The following COL25A1 variants were observed in gnomAD, a reference collection of about 807,000 sequenced individuals.
The protein encoded by COL25A1 is collagen alpha-1(XXV) chain.
In COL25A1, 103 loss-of-function variants were observed where a neutral mutation model predicts 128.4. The observed-to-expected ratio is 0.80, with a 90% CI of 0.68 to 0.94. The LOEUF is 0.94. COL25A1 is among the 40% of genes least tolerant of loss of function. COL25A1 has a pLI of 0.00. For synonymous variants in COL25A1, 279 were observed against 277.2 expected (o/e 1.01, Z -0.06); for missense variants, 745 against 840.0 (o/e 0.89, Z 1.40).
intron 3 of COL25A1, among the ~76,000 whole-genome samples, chr4:109,143,396 T>G (rs188465648): frequency 1.3e-5 from 2 of 152,254 alleles, no homozygotes; most frequent in East Asian, 3.9e-4. Flanking sequence ...GGGTTGATCT[T>G]CTCGAGGAGT....
At chr4:108,920,343 A>C (rs1578769607) in intron 12 of COL25A1, among the ~76,000 whole-genome samples, 1 of 152,202 alleles carries the variant, frequency 6.6e-6, no homozygotes, top group Admixed American at 6.5e-5. Context: ...ATAATGTACA[A>C]GTTCAGCAGA....
intron 3 of COL25A1, among the ~76,000 whole-genome samples, chr4:109,079,016 G>T (rs1035320728): frequency 6.6e-6 from 1 of 152,222 alleles, no homozygotes; most frequent in African/African-American, 2.4e-5. Context: ...CAAGCCTACA[G>T]AGTCTTGTGG....
At chr4:109,011,775 G>C (rs1243430606) in intron 5 of COL25A1, among the ~76,000 whole-genome samples, 1 of 152,194 alleles carries the variant, frequency 6.6e-6, no homozygotes, top group African/African-American at 2.4e-5. Flanking sequence ...ATACAGACTT[G>C]TTCAGATCAA....
intron 3 of COL25A1, among the ~76,000 whole-genome samples, chr4:109,227,507 T>C (rs1197668919): frequency 6.6e-6 from 1 of 152,240 alleles, no homozygotes; most frequent in African/African-American, 2.4e-5. Flanking sequence ...GGTTATAGTC[T>C]ACAAATTTTG....
chr4:109,004,046 G>C (rs1194244226), intron 6 of COL25A1, among the ~76,000 whole-genome samples: 1 of 151,924 alleles, frequency 6.6e-6, no homozygotes, highest in Non-Finnish European at 1.5e-5. Context: ...CCACAGCTGT[G>C]AGAATTGCTT....
rs75118707 is a variant in COL25A1 at position 108,848,026 on chromosome 4, C to T, written c.1434+733G>A. Reference sequence around the variant, plus strand: ...AAATTCTGAATACTGTCCACGTTCTCCAACTCAGATTCTTTTAGAGCAGGG... The same window carrying T: ...AAATTCTGAATACTGTCCACGTTCTTCAACTCAGATTCTTTTAGAGCAGGG... On this transcript the variant is annotated intron_variant, in intron 27 of 37. Transcript: ENST00000399132. Among the ~76,000 whole-genome samples the T allele has an allele frequency of 7.0e-3, 1,072 of 152,238 alleles. 11 individuals are homozygous for T. The highest frequency in any genetic ancestry group is 0.024 in the African/African-American group (989 of 41,526).
intron 3 of COL25A1, among the ~76,000 whole-genome samples, chr4:109,061,874 T>G (rs149987462): frequency 6.6e-6 from 1 of 152,302 alleles, no homozygotes; most frequent in East Asian, 1.9e-4. Context: ...TTCTAGCACT[T>G]TACTGCTGCT....
At chr4:109,267,630 TC>T (rs987819009) in intron 3 of COL25A1, among the ~76,000 whole-genome samples, 2 of 152,144 alleles carry the variant, frequency 1.3e-5, no homozygotes, top group African/African-American at 4.8e-5. Context: ...TGTTGAATCA[TC>T]CCTAATCCAA....
intron 19 of COL25A1, among the ~76,000 whole-genome samples, chr4:108,880,882 CTTACTCT>C: frequency 6.6e-6 from 1 of 152,282 alleles, no homozygotes; most frequent in South Asian, 2.1e-4. Context: ...AACTTAGAAT[CTTACTCT>C]TTTATGTGAT....
intron 3 of COL25A1, among the ~76,000 whole-genome samples, chr4:109,213,468 C>CT (rs1473616511): frequency 6.6e-6 from 1 of 152,156 alleles, no homozygotes; most frequent in Non-Finnish European, 1.5e-5. Flanking sequence ...TTTCGTGATA[C>CT]TTGTTCTTGG....
chr4:109,302,132 C>G, intron 1 of COL25A1, 37 bp downstream of exon 1: 1 of 1,359,346 alleles, frequency 7.4e-7, no homozygotes, highest in Non-Finnish European at 9.7e-7. Context: ...GGCTGCACAA[C>G]TAGTTGGTGG....
chr4:109,117,368 G>T (rs1455858415), intron 3 of COL25A1, among the ~76,000 whole-genome samples: 1 of 151,934 alleles, frequency 6.6e-6, no homozygotes, highest in East Asian at 1.9e-4. Context: ...TATTTAAAGT[G>T]TTGAGGGAAA....
At chr4:109,023,022 G>T (rs1234122124) in intron 5 of COL25A1, among the ~76,000 whole-genome samples, 1 of 152,132 alleles carries the variant, frequency 6.6e-6, no homozygotes, top group East Asian at 1.9e-4. Flanking sequence ...AAAAAGCCTG[G>T]ATATCAGCAT....
intron 3 of COL25A1, among the ~76,000 whole-genome samples, chr4:109,245,116 T>A (rs1170101137): frequency 6.6e-6 from 1 of 152,152 alleles, no homozygotes. Context: ...ATATACTTTA[T>A]TATCTAGACC....
At chr4:108,878,247 A>C (rs2125825795) in intron 19 of COL25A1, among the ~76,000 whole-genome samples, 1 of 152,198 alleles carries the variant, frequency 6.6e-6, no homozygotes, top group East Asian at 1.9e-4. Flanking sequence ...AACCCCTCTA[A>C]AAAAACCTCT....
chr4:109,080,053 C>A, intron 3 of COL25A1, among the ~76,000 whole-genome samples: 1 of 152,038 alleles, frequency 6.6e-6, no homozygotes, highest in East Asian at 1.9e-4. Flanking sequence ...CTGTCATCAC[C>A]AAATTGAGCT....
At chr4:109,077,465 C>T (rs1219445508) in intron 3 of COL25A1, among the ~76,000 whole-genome samples, 1 of 147,464 alleles carries the variant, frequency 6.8e-6, no homozygotes, top group Non-Finnish European at 1.5e-5. Flanking sequence ...TGCTAAGGAA[C>T]AAAAGCGGCA....
intron 3 of COL25A1, among the ~76,000 whole-genome samples, chr4:109,165,736 T>C (rs1384598076): frequency 6.6e-6 from 1 of 152,092 alleles, no homozygotes; most frequent in East Asian, 1.9e-4. Flanking sequence ...TAATAATTAG[T>C]AGTCATGATG....
chr4:109,040,418 A>C (rs17039690), intron 5 of COL25A1, among the ~76,000 whole-genome samples: 25,251 of 152,196 alleles, frequency 0.17, 3,205 homozygotes, highest in East Asian at 0.47. Context: ...AAGATTATTA[A>C]ATGTTTAGCC....
Sources: gnomAD v4.1 joint callset for allele counts (sites outside exome capture counted in the v4.1 genomes callset) on GRCh38, gnomAD v4.1.1 for gene constraint, MANE v1.5 for transcripts, NCBI Gene and HGNC (gene_info 2026-07-23, HGNC 2026-07-21) for gene names.